CARM1: variants seen among roughly 807,000 people sequenced by gnomAD.
CARM1 encodes histone-arginine methyltransferase CARM1.
Under a neutral mutation model 72.7 loss-of-function variants are expected in CARM1, and 14 were observed. That is an observed-to-expected ratio of 0.19 (90% CI 0.13 to 0.30). The LOEUF (loss-of-function observed/expected upper bound fraction) is 0.30, where lower values mean the gene tolerates loss of function less well. Ranked by LOEUF, CARM1 falls within the 10% of genes least tolerant of loss-of-function variation. CARM1 has a pLI of 1.00. For missense variants in CARM1, 432 were observed against 833.7 expected, an observed-to-expected ratio of 0.52 and a Z score of 5.93; for synonymous variants, 333 against 345.5, an observed-to-expected ratio of 0.96 and a Z score of 0.40.
chr19:10,892,040 C>T (rs369549931), intron 1 of CARM1, among the ~76,000 whole-genome samples: 1 of 152,206 alleles, frequency 6.6e-6, no homozygotes, highest in South Asian at 2.1e-4. Flanking sequence ...CCCATCTGTA[C>T]ACCTGTGGTG....
At chr19:10,893,504 A>C (rs1158247760) in intron 1 of CARM1, among the ~76,000 whole-genome samples, 1 of 151,826 alleles carries the variant, frequency 6.6e-6, no homozygotes, top group African/African-American at 2.4e-5. Context: ...ACGCCCGGCT[A>C]ATTTTTTTTA....
intron 1 of CARM1, among the ~76,000 whole-genome samples, chr19:10,874,205 C>T (rs878924643): frequency 6.6e-5 from 10 of 152,028 alleles, no homozygotes; most frequent in Non-Finnish European, 1.5e-4. Context: ...GATCTTCCTG[C>T]CTCCCAGAAT....
intron 1 of CARM1, among the ~76,000 whole-genome samples, chr19:10,903,218 G>T (rs774952911): frequency 6.6e-6 from 1 of 152,128 alleles, no homozygotes; most frequent in Non-Finnish European, 1.5e-5. Flanking sequence ...CCATTGATCT[G>T]TGTCTCCTTT....
Position 10,896,191 on chromosome 19 carries a change from G to T in CARM1, c.221-8760G>T, listed in dbSNP as rs913786100. Among the ~76,000 whole-genome samples, 2 of 152,056 alleles carry T rather than the reference G, an allele frequency of 1.3e-5. No individual in the cohort carries two copies. Among genetic ancestry groups the T allele is most frequent in the African/African-American group, 4.8e-5 (2 of 41,384 alleles). ...ACCATCTGCTCAGTGAGACCCTTGA[G>T]AGACGTCTCCCCGTTCTTCCAAGAC... On this transcript the variant is annotated intron_variant, in intron 1 of 15. Transcript: ENST00000327064. This position sits in a 1 kb window ranked among gnomAD's most constrained non-coding sequence, Gnocchi z 5.2.
At chr19:10,873,840 C>T (rs1040034416) in intron 1 of CARM1, among the ~76,000 whole-genome samples, 7 of 151,570 alleles carry the variant, frequency 4.6e-5, no homozygotes, top group Non-Finnish European at 1.0e-4. Context: ...GGGGTTTCAC[C>T]ATGTTAGCCA....
intron 8 of CARM1, among the ~76,000 whole-genome samples, chr19:10,917,811 G>A (rs1007901086): frequency 3.4e-5 from 5 of 147,852 alleles, no homozygotes; most frequent in East Asian, 2.1e-4. Flanking sequence ...TCCACTTTCC[G>A]GGCTCAAGCG....
chr19:10,877,106 G>A (rs1258872305), intron 1 of CARM1, among the ~76,000 whole-genome samples: 1 of 152,008 alleles, frequency 6.6e-6, no homozygotes, highest in Non-Finnish European at 1.5e-5. Context: ...GACTTCCTTT[G>A]GTTACACTCC....
At chr19:10,919,407 GAGCTGTC>G (rs1724707834) in intron 8 of CARM1, 181 bp from the exon 9 acceptor site, 2 of 574,812 alleles carry the variant, frequency 3.5e-6, no homozygotes, top group Non-Finnish European at 6.2e-6. Context: ...GTCATTTGGA[GAGCTGTC>G]ACCTGATTGC....
Position 10,915,841 on chromosome 19 carries a change from T to C in CARM1, c.848-566T>C, listed in dbSNP as rs2074191670. Among the ~76,000 whole-genome samples the C allele has an allele frequency of 6.6e-6, 1 of 152,196 alleles. No homozygotes were observed. The stretch of plus-strand genomic sequence containing the variant: ...GGGAGGCCCTGCCCTTCCCTCAGTC[T>C]GTGTGCCCAGACCAGGCAGGCCAAG... On this transcript the variant is annotated intron_variant, in intron 6 of 15. Transcript: ENST00000327064. This position sits in a 1 kb window ranked among gnomAD's most constrained non-coding sequence, Gnocchi z 4.6.
At chr19:10,903,345 G>A (rs985876700) in intron 1 of CARM1, among the ~76,000 whole-genome samples, 4 of 152,078 alleles carry the variant, frequency 2.6e-5, no homozygotes, top group African/African-American at 7.2e-5. Context: ...GCTATTCAGG[G>A]TGATTGAGAA....
At chr19:10,908,979 G>T in intron 3 of CARM1, 124 bp from the exon 4 acceptor site, 1 of 653,020 alleles carries the variant, frequency 1.5e-6, no homozygotes, top group Non-Finnish European at 2.7e-6. Flanking sequence ...CAGGCAGAGG[G>T]TGCACGACCT....
At chr19:10,890,897 G>C (rs2073983345) in intron 1 of CARM1, among the ~76,000 whole-genome samples, 1 of 147,552 alleles carries the variant, frequency 6.8e-6, no homozygotes, top group South Asian at 2.2e-4. Context: ...TTGAGCACAG[G>C]AGGTCGAGGC....
chr19:10,882,263 G>A lies in CARM1; in HGVS notation c.220+10341G>A, dbSNP rs536262832. ...GAACTTGTGGGCCTGGCATGGCCAA[G>A]GGCATGCAGTGGGGGGGATGGGGAG... is the stretch of plus-strand genomic sequence containing the variant. On this transcript the variant is annotated intron_variant, in intron 1 of 15. Transcript: ENST00000327064. Among the ~76,000 whole-genome samples, 12 of 152,334 alleles carry A rather than the reference G, an allele frequency of 7.9e-5. No individual in the cohort carries two copies. In the South Asian group the frequency reaches 2.5e-3, roughly 32 times the overall value.
intron 1 of CARM1, among the ~76,000 whole-genome samples, chr19:10,873,624 G>GTTTTTTGTTT (rs2073837553): frequency 2.1e-5 from 1 of 47,342 alleles, no homozygotes; most frequent in African/African-American, 8.7e-5. Flanking sequence ...TTTTAGTTTA[G>GTTTTTTGTTT]TTTTTTTTTT....
intron 1 of CARM1, among the ~76,000 whole-genome samples, chr19:10,899,691 C>T (rs1390656898): frequency 2.6e-5 from 4 of 151,544 alleles, no homozygotes; most frequent in Non-Finnish European, 4.4e-5. Flanking sequence ...TACCTGGACT[C>T]GTCAGTTAGG....
chr19:10,908,886 T>C, intron 3 of CARM1: 1 of 456,094 alleles, frequency 2.2e-6, no homozygotes, highest in South Asian at 2.3e-5. Context: ...GCTGTTGCCA[T>C]CGGCTGCAGT....
chr19:10,888,319 G>C (rs2073956157), intron 1 of CARM1, among the ~76,000 whole-genome samples: 1 of 152,160 alleles, frequency 6.6e-6, no homozygotes. Context: ...CTCCCAGCTG[G>C]CTCTCTGGAG....
At chr19:10,897,975 C>T (rs1180898412) in intron 1 of CARM1, among the ~76,000 whole-genome samples, 4 of 152,024 alleles carry the variant, frequency 2.6e-5, no homozygotes, top group African/African-American at 7.2e-5. Context: ...GGCGAGGTGG[C>T]GGGCGCCTGT....
In CARM1 at chr19:10,920,866, G is replaced by T; in HGVS notation, c.1457G>T (p.Gly486Val). 6.2e-7 allele frequency: 1 copy of T among 1,614,196 alleles called. No individual in the cohort carries two copies. Among genetic ancestry groups the T allele is most frequent in the Non-Finnish European group, 8.5e-7 (1 of 1,180,024 alleles). ...GGCACAACGCCCTCACCCCCACCCG[G>T]CTCCCACTACACATCTCCCTCGGAA... ...YTGTTPSPPP[G>V]SHYTSPSENM... The change falls in exon 13 of 16, where the codon GGC (glycine) becomes GTC (valine). Residue 486 changes from glycine to valine, a missense_variant. Transcript: ENST00000327064. This position sits in a 1 kb window ranked among gnomAD's most constrained non-coding sequence, Gnocchi z 5.3.
Sources: gnomAD v4.1 joint callset for allele counts (sites outside exome capture counted in the v4.1 genomes callset) on GRCh38, gnomAD v4.1.1 for gene constraint, Gnocchi (gnomAD v3.1) non-coding constraint, MANE v1.5 for transcripts, NCBI Gene and HGNC (gene_info 2026-07-23, HGNC 2026-07-21) for gene names.